MAP2K5: variants seen among roughly 807,000 people sequenced by gnomAD.
The protein encoded by MAP2K5 is mitogen-activated protein kinase kinase 5, also known as dual specificity mitogen-activated protein kinase kinase 5.
In MAP2K5, 49 loss-of-function variants were observed where a neutral mutation model predicts 83.1. The observed-to-expected ratio is 0.59, with a 90% CI of 0.47 to 0.75. The LOEUF (loss-of-function observed/expected upper bound fraction) is 0.75, where lower values mean the gene tolerates loss of function less well. Ranked by LOEUF, MAP2K5 falls within the 30% of genes least tolerant of loss-of-function variation. The pLI, the probability that MAP2K5 is intolerant of heterozygous loss-of-function variation, is 0.00. For missense variants in MAP2K5, 457 were observed against 557.5 expected, an observed-to-expected ratio of 0.82 and a Z score of 1.82; for synonymous variants, 202 against 191.8, an observed-to-expected ratio of 1.05 and a Z score of -0.44.
intron 9 of MAP2K5, among the ~76,000 whole-genome samples, chr15:67,633,776 T>C (rs976365452): frequency 2.0e-5 from 3 of 152,212 alleles, no homozygotes; most frequent in Admixed American, 2.0e-4. Flanking sequence ...TGATTAAACA[T>C]TTGTGTAGCC....
At chr15:67,653,284 AAT>A (rs911974258) in intron 11 of MAP2K5, among the ~76,000 whole-genome samples, 4 of 82,542 alleles carry the variant, frequency 4.8e-5, no homozygotes, top group East Asian at 3.8e-4. Context: ...CTCTGTTTAA[AAT>A]ATTTTTTTTT....
In MAP2K5 at chr15:67,680,761, G is replaced by A. The variant is rs183396147; in HGVS notation, c.848-11718G>A. ...CAACTCAAAGATTTATTGCATCATC[G>A]TTAAAAAGCCCAGCTTACTGTGAAA... is the stretch of plus-strand genomic sequence containing the variant. On this transcript the variant is annotated intron_variant, in intron 13 of 21. Transcript: ENST00000178640. Among the ~76,000 whole-genome samples, 52 of 152,230 alleles carry A rather than the reference G, an allele frequency of 3.4e-4. 1 individual carries two copies. The highest frequency in any genetic ancestry group is 1.7e-3 in the Admixed American group (26 of 15,288).
chr15:67,629,112 T>G, intron 8 of MAP2K5: 2 of 733,574 alleles, frequency 2.7e-6, no homozygotes, highest in South Asian at 2.7e-5. Context: ...CAGCAGTAGC[T>G]ACGGCAGTGG....
intron 1 of MAP2K5, among the ~76,000 whole-genome samples, chr15:67,544,868 G>C (rs1397732065): frequency 6.6e-6 from 1 of 152,174 alleles, no homozygotes; most frequent in East Asian, 1.9e-4. Flanking sequence ...CCTTGACCAG[G>C]AGCTTTCCAT....
At chr15:67,612,446 A>G (rs1049032322) in intron 8 of MAP2K5, among the ~76,000 whole-genome samples, 4 of 152,158 alleles carry the variant, frequency 2.6e-5, no homozygotes, top group South Asian at 2.1e-4. Flanking sequence ...AAGTCCAAAT[A>G]CTTTCCTTCT....
In MAP2K5 at chr15:67,779,996, C is replaced by G. The variant is rs1246649472; in HGVS notation, c.1242+7244C>G. On this transcript the variant is annotated intron_variant, in intron 21 of 21. Transcript: ENST00000178640. This position sits in a 1 kb window ranked among gnomAD's most constrained non-coding sequence, Gnocchi z 4.6. ...CCTAAAAGAGCCTCCTCTCCCCTCC[C>G]CTGGAAGGTCTTGGTCCTCCTCCCT... Among the ~76,000 whole-genome samples the G allele has an allele frequency of 6.6e-6, 1 of 152,196 alleles. No individual in the cohort carries two copies. The highest frequency in any genetic ancestry group is 1.5e-5 in the Non-Finnish European group (1 of 68,026).
rs1012559118 is a variant in MAP2K5, at chr15:67,637,917, TGTGA to T, written c.585+6994_585+6997del. On this transcript the variant is annotated intron_variant, in intron 9 of 21. Transcript: ENST00000178640. This position sits in a 1 kb window ranked among gnomAD's most constrained non-coding sequence, Gnocchi z 4.5. ...ATGTCTGGAAGCCTGTTGATGTGTG[TGTGA>T]GTGTGTGTGTATGTGTGTTTTAGTA... 4.5e-4 allele frequency among the ~76,000 whole-genome samples: 68 copies of T among 151,470 alleles called. No homozygotes were observed. The highest frequency in any genetic ancestry group is 1.6e-3 in the African/African-American group (66 of 41,288).
At chr15:67,544,089 G>A (rs948326300) in intron 1 of MAP2K5, among the ~76,000 whole-genome samples, 1 of 152,206 alleles carries the variant, frequency 6.6e-6, no homozygotes, top group African/African-American at 2.4e-5. Flanking sequence ...TTGTAGAGAC[G>A]AGGTATTGCC....
intron 13 of MAP2K5, among the ~76,000 whole-genome samples, chr15:67,670,173 AAGG>A (rs1291994224): frequency 6.6e-6 from 1 of 152,178 alleles, no homozygotes; most frequent in African/African-American, 2.4e-5. Flanking sequence ...ATGTTAAATG[AAGG>A]AGGTGACTCA....
At chr15:67,752,585 G>C (rs1390671773) in intron 19 of MAP2K5, among the ~76,000 whole-genome samples, 1 of 151,646 alleles carries the variant, frequency 6.6e-6, no homozygotes. Flanking sequence ...GGCTGAGGCA[G>C]GAGAATCACT....
intron 19 of MAP2K5, among the ~76,000 whole-genome samples, chr15:67,752,474 T>C (rs1404255014): frequency 6.6e-6 from 1 of 151,508 alleles, no homozygotes; most frequent in Non-Finnish European, 1.5e-5. Flanking sequence ...GGTCAGGGGT[T>C]CGAGGCCAGC....
intron 13 of MAP2K5, among the ~76,000 whole-genome samples, chr15:67,691,473 C>T (rs1449030470): frequency 2.0e-5 from 3 of 152,130 alleles, no homozygotes; most frequent in African/African-American, 4.8e-5. Flanking sequence ...GATGGAAGGT[C>T]AGGAGAAGAT....
chr15:67,716,969 A>C (rs547481655), intron 16 of MAP2K5, among the ~76,000 whole-genome samples: 1 of 152,362 alleles, frequency 6.6e-6, no homozygotes, highest in African/African-American at 2.4e-5. Flanking sequence ...ACTTAGATCC[A>C]GATAAGTTAA....
rs148649692 is a variant in MAP2K5, at chr15:67,703,523, T to C, written c.1044+115T>C. 146 of 796,482 alleles carry C rather than the reference T, an allele frequency of 1.8e-4. No homozygotes were observed. The East Asian group carries it at 3.7e-3, about 20-fold the overall frequency. 49.3% of individuals were successfully genotyped at this position (796,482 alleles called of 1,614,324 possible). A position where few individuals can be genotyped will look rare whatever the true frequency, so the allele number is the denominator to read the frequency against. On this transcript the variant is annotated intron_variant, in intron 16 of 21. Transcript: ENST00000178640. ...ATAAACCTTCAGCATGTTATATAGA[T>C]GTATACAGAGTTTGACCATAAAGTC... is the stretch of plus-strand genomic sequence containing the variant.
At chr15:67,547,455 C>CTTT (rs398057779) in intron 1 of MAP2K5, among the ~76,000 whole-genome samples, 9 of 128,752 alleles carry the variant, frequency 7.0e-5, no homozygotes, top group South Asian at 2.5e-4. Flanking sequence ...TTTCTTTTTT[C>CTTT]TTTTTTTTTT....
chr15:67,589,224 GTC>G (rs2085347734), intron 6 of MAP2K5, among the ~76,000 whole-genome samples: 1 of 151,950 alleles, frequency 6.6e-6, no homozygotes, highest in South Asian at 2.1e-4. Context: ...AGTAAAGTGA[GTC>G]ACAGAGAAAT....
intron 8 of MAP2K5, among the ~76,000 whole-genome samples, chr15:67,604,380 C>CA (rs986360664): frequency 1.4e-4 from 22 of 152,182 alleles, no homozygotes; most frequent in African/African-American, 5.3e-4. Flanking sequence ...CAAGTTGCTC[C>CA]AAAAAAATAA....
At chr15:67,609,757 G>A (rs1480112643) in intron 8 of MAP2K5, among the ~76,000 whole-genome samples, 4 of 151,844 alleles carry the variant, frequency 2.6e-5, no homozygotes. Context: ...TGCTCAGGAA[G>A]ACCTATCTGA....
At chr15:67,544,820 A>G (rs980997532) in intron 1 of MAP2K5, among the ~76,000 whole-genome samples, 2 of 152,182 alleles carry the variant, frequency 1.3e-5, no homozygotes, top group African/African-American at 4.8e-5. Flanking sequence ...TGAGTTCTAG[A>G]TGTTACTGAC....
Sources: allele counts gnomAD v4.1 joint callset (sites outside exome capture counted in the v4.1 genomes callset), GRCh38; gene constraint gnomAD v4.1.1; non-coding constraint Gnocchi (gnomAD v3.1); transcripts MANE v1.5; gene names NCBI Gene and HGNC (gene_info 2026-07-23, HGNC 2026-07-21).